The following PDE8A variants were observed in gnomAD, a reference collection of about 807,000 sequenced individuals.
PDE8A encodes phosphodiesterase 8A, also known as high affinity cAMP-specific and IBMX-insensitive 3',5'-cyclic phosphodiesterase 8A.
Under a neutral mutation model 105.0 loss-of-function variants are expected in PDE8A, and 59 were observed. The ratio of observed to expected loss-of-function variants is 0.56; its 90% confidence interval spans 0.46 to 0.70. The LOEUF (loss-of-function observed/expected upper bound fraction) is 0.70. Ranked by LOEUF, PDE8A falls within the 30% of genes least tolerant of loss-of-function variation. The pLI is 0.00. For missense variants in PDE8A, 1,014 were observed against 1,045.9 expected (o/e 0.97, Z 0.42); for synonymous variants, 355 against 371.9 (o/e 0.95, Z 0.52).
intron 7 of PDE8A, among the ~76,000 whole-genome samples, chr15:85,090,437 G>A (rs998747375): frequency 1.3e-5 from 2 of 152,122 alleles, no homozygotes; most frequent in African/African-American, 4.8e-5. Context: ...GTTTTCCCAT[G>A]TATTTTCTGC....
intron 1 of PDE8A, among the ~76,000 whole-genome samples, chr15:85,040,724 C>CTAATGT (rs1280475864): frequency 6.6e-6 from 1 of 151,990 alleles, no homozygotes; most frequent in Non-Finnish European, 1.5e-5. Context: ...TCATACCCGG[C>CTAATGT]TAATGTTTCT....
intron 2 of PDE8A, among the ~76,000 whole-genome samples, chr15:85,065,503 C>T (rs1391950171): frequency 7.1e-6 from 1 of 141,768 alleles, no homozygotes; most frequent in South Asian, 2.2e-4. Flanking sequence ...AAAAAGAAAA[C>T]AACCAATTGA....
chr15:85,109,764 G>T (rs1010159087), intron 12 of PDE8A, among the ~76,000 whole-genome samples: 3 of 152,208 alleles, frequency 2.0e-5, no homozygotes, highest in Admixed American at 1.3e-4. Flanking sequence ...TATCAGCTAA[G>T]ATTATACAGT....
chr15:84,994,131 A>G (rs1392297413), intron 1 of PDE8A, among the ~76,000 whole-genome samples: 1 of 152,048 alleles, frequency 6.6e-6, no homozygotes, highest in Non-Finnish European at 1.5e-5. Context: ...TTAAGTCACG[A>G]ATTCATTCCT....
intron 1 of PDE8A, among the ~76,000 whole-genome samples, chr15:84,986,896 T>G (rs1226359105): frequency 2.0e-5 from 3 of 152,216 alleles, no homozygotes; most frequent in African/African-American, 7.2e-5. Context: ...ATTACAGGTG[T>G]GGGTTACTGT....
At chr15:85,015,920 G>A (rs546584445) in intron 1 of PDE8A, among the ~76,000 whole-genome samples, 2 of 152,138 alleles carry the variant, frequency 1.3e-5, no homozygotes, top group South Asian at 2.1e-4. Context: ...GCAATCACTC[G>A]AGGCCAGGAA....
At chr15:84,982,404 C>A in intron 1 of PDE8A, 56 bp downstream of exon 1, 1 of 1,197,676 alleles carries the variant, frequency 8.3e-7, no homozygotes, top group Non-Finnish European at 1.1e-6. Flanking sequence ...GGCCAGTAAG[C>A]AACTTTCCCG....
rs76422479 is a variant in PDE8A at position 85,077,671 on chromosome 15, G to A, written c.546+884G>A. On this transcript the variant is annotated intron_variant, in intron 5 of 21. Coordinates refer to ENST00000394553, the MANE Select transcript of PDE8A (RefSeq NM_002605.3). ...CAAGGAAAAACTAGGAGGGAAAAAA[G>A]CCTAGTAACAGACCCTCACACCCCT... is the stretch of plus-strand genomic sequence containing the variant. 2.2e-3 allele frequency among the ~76,000 whole-genome samples: 333 copies of A among 152,228 alleles called. 2 individuals are homozygous for A. The highest frequency in any genetic ancestry group is 7.7e-3 in the African/African-American group (320 of 41,524).
intron 20 of PDE8A, among the ~76,000 whole-genome samples, chr15:85,129,219 T>C (rs68158129): frequency 0.088 from 13,453 of 152,244 alleles, 1,646 homozygotes; most frequent in African/African-American, 0.28. Context: ...AATTTTCTTG[T>C]AGTGTCTTTG....
intron 6 of PDE8A, among the ~76,000 whole-genome samples, chr15:85,085,528 T>C (rs1332263582): frequency 6.6e-6 from 1 of 151,778 alleles, no homozygotes; most frequent in Non-Finnish European, 1.5e-5. Flanking sequence ...CGAAACCCTG[T>C]CTCTATTAAA....
chr15:85,053,238 T>G (rs2081004984), intron 1 of PDE8A, among the ~76,000 whole-genome samples: 1 of 152,254 alleles, frequency 6.6e-6, no homozygotes, highest in Admixed American at 6.5e-5. Context: ...GCAGTATAGT[T>G]TGAAGTCAGG....
intron 1 of PDE8A, among the ~76,000 whole-genome samples, chr15:84,997,132 T>A (rs887191428): frequency 1.4e-4 from 22 of 152,218 alleles, no homozygotes; most frequent in African/African-American, 5.1e-4. Context: ...GTGAACATAT[T>A]GTATAGCTGT....
chr15:85,033,703 A>T (rs1404459561), intron 1 of PDE8A, among the ~76,000 whole-genome samples: 1 of 151,976 alleles, frequency 6.6e-6, no homozygotes, highest in East Asian at 1.9e-4. Context: ...CGTCTCTACT[A>T]AAAATACAAA....
At chr15:85,066,461 G>A (rs1056781442) in intron 2 of PDE8A, among the ~76,000 whole-genome samples, 1 of 151,980 alleles carries the variant, frequency 6.6e-6, no homozygotes, top group African/African-American at 2.4e-5. Context: ...GCCACTGGGG[G>A]CTCTGAGGTA....
rs61221393 is a variant in PDE8A at position 85,128,052 on chromosome 15, C to CAAA, written c.2253+1697_2253+1699dup. On this transcript the variant is annotated intron_variant, in intron 20 of 21. Transcript: ENST00000394553. ...GTTAGGATAATTGGATATTCCTATG[C>CAAA]AAAAAAAAAAAAAAAAAAAAAGAAC... 3.7e-3 allele frequency among the ~76,000 whole-genome samples: 213 copies of CAAA among 57,082 alleles called. 4 individuals are homozygous for CAAA. Among genetic ancestry groups the CAAA allele is most frequent in the Middle Eastern group, 0.021 (2 of 94 alleles). The allele number at this position is 57,082 out of a possible 152,430, so 37.4% of individuals were successfully genotyped here.
chr15:84,983,872 T>A (rs1377538595), intron 1 of PDE8A, among the ~76,000 whole-genome samples: 1 of 152,236 alleles, frequency 6.6e-6, no homozygotes, highest in African/African-American at 2.4e-5. Context: ...CCTAGGTGTC[T>A]TGTAAGCCTC....
chr15:85,119,444 G>C (rs1438973593), intron 17 of PDE8A, among the ~76,000 whole-genome samples: 3 of 68,974 alleles, frequency 4.3e-5, no homozygotes, highest in African/African-American at 1.7e-4. Context: ...TTGCAGCCTG[G>C]GTGACAGAGC....
intron 1 of PDE8A, among the ~76,000 whole-genome samples, chr15:85,024,184 A>G (rs1241704437): frequency 2.0e-5 from 3 of 151,956 alleles, no homozygotes; most frequent in African/African-American, 4.8e-5. Context: ...ATCTGTCCCT[A>G]TGTTCCTTAT....
chr15:85,090,900 C>T (rs1366966134), intron 7 of PDE8A, 144 bp from the exon 8 acceptor site: 1 of 699,000 alleles, frequency 1.4e-6, no homozygotes, highest in Non-Finnish European at 2.6e-6. Context: ...GTGCTTATGG[C>T]TTCACAACTG....
Sources: allele counts gnomAD v4.1 joint callset (sites outside exome capture counted in the v4.1 genomes callset), GRCh38; gene constraint gnomAD v4.1.1; transcripts MANE v1.5; gene names NCBI Gene and HGNC (gene_info 2026-07-23, HGNC 2026-07-21).